Variants in ANKRD11 observed in about 807,000 individuals in gnomAD.
The protein encoded by ANKRD11 is ankyrin repeat domain-containing protein 11.
ANKRD11 carries 17 observed loss-of-function variants against 195.7 expected under a neutral mutation model. The ratio of observed to expected loss-of-function variants is 0.09; its 90% CI spans 0.06 to 0.13. ANKRD11 has a LOEUF of 0.13. Ranked by LOEUF, ANKRD11 falls within the 10% of genes least tolerant of loss-of-function variation. ANKRD11 has a pLI of 1.00. For missense variants in ANKRD11, 3,735 were observed against 3,566.1 expected (o/e 1.05, Z -1.21); for synonymous variants, 1,953 against 1,528.1 (o/e 1.28, Z -6.49).
rs1000677695 is a variant in ANKRD11, at chr16:89,464,674, G to A, written c.-145+25571C>T. ...AAAAGAATAAATCTGTAACAGCACTGGAAAACAGAAGAATGACATGTCAAT... is the reference window on the plus strand; with the variant it reads ...AAAAGAATAAATCTGTAACAGCACTAGAAAACAGAAGAATGACATGTCAAT... On this transcript the variant is annotated intron_variant, in intron 1 of 12. Coordinates refer to ENST00000301030, the MANE Select transcript of ANKRD11 (RefSeq NM_013275.6). Among the ~76,000 whole-genome samples the A allele has an allele frequency of 3.3e-5, 5 of 151,692 alleles. No homozygotes were observed. In the South Asian group the frequency reaches 1.0e-3, roughly 32 times the overall value.
rs547017147 is a variant in ANKRD11 at position 89,345,772 on chromosome 16, G to C, written c.-59-28694C>G. Among the ~76,000 whole-genome samples, 154 of 152,258 alleles carry C rather than the reference G, an allele frequency of 1.0e-3. No individual in the cohort carries two copies. In the Middle Eastern group the frequency reaches 0.01, roughly 10 times the overall value. Reference sequence around the variant, plus strand: ...ACCAGGTGCATGCTGTGCACACCAGGTACATGCTGTGCACACCAGGCTGGG... The same window carrying C: ...ACCAGGTGCATGCTGTGCACACCAGCTACATGCTGTGCACACCAGGCTGGG... On this transcript the variant is annotated intron_variant, in intron 2 of 12. Coordinates refer to ENST00000301030, the MANE Select transcript of ANKRD11 (RefSeq NM_013275.6).
At chr16:89,273,187 C>CTAAATGCT (rs1430065710) in intron 11 of ANKRD11, 3 of 151,980 alleles carry the variant, frequency 2.0e-5, no homozygotes, top group Non-Finnish European at 4.4e-5. Flanking sequence ...AACTCAAGGG[C>CTAAATGCT]TAAATGCTTG....
chr16:89,324,088 G>A (rs536338206), intron 2 of ANKRD11: 2 of 365,630 alleles, frequency 5.5e-6, no homozygotes, highest in Non-Finnish European at 4.6e-6. Context: ...TTGACCTCAT[G>A]ATCTGCCGGC....
At chr16:89,319,413 G>T (rs764114669) in intron 2 of ANKRD11, among the ~76,000 whole-genome samples, 2 of 152,200 alleles carry the variant, frequency 1.3e-5, no homozygotes, top group Non-Finnish European at 1.5e-5. Context: ...TACTTTTCAC[G>T]GCCTGCATCA....
At chr16:89,411,547 A>G (rs539599613) in intron 2 of ANKRD11, among the ~76,000 whole-genome samples, 26 of 152,162 alleles carry the variant, frequency 1.7e-4, no homozygotes, top group African/African-American at 6.3e-4. Flanking sequence ...CTGAGTAACC[A>G]TGACGACAGG....
At position 89,404,946 on chromosome 16, in the gene ANKRD11, C is replaced by G. The variant is rs1459498979; in HGVS notation, c.-60+13338G>C. Among the ~76,000 whole-genome samples the G allele has an allele frequency of 2.6e-5, 4 of 152,174 alleles. No homozygotes were observed. The East Asian group carries it at 7.7e-4, about 29-fold the overall frequency. On this transcript the variant is annotated intron_variant, in intron 2 of 12. Transcript: ENST00000301030. Reference sequence around the variant, plus strand: ...GTGGACAAACATCGTGTCCACAGACCACCATAAATGTAGTTTGTTGTTTTA... The same window carrying G: ...GTGGACAAACATCGTGTCCACAGACGACCATAAATGTAGTTTGTTGTTTTA...
intron 9 of ANKRD11, among the ~76,000 whole-genome samples, chr16:89,277,151 C>G (rs937166348): frequency 2.0e-5 from 3 of 152,200 alleles, no homozygotes; most frequent in African/African-American, 7.2e-5. Context: ...CCTCGACGAG[C>G]CCAGCCCCCC....
chr16:89,358,214 C>A (rs908385949), intron 2 of ANKRD11, among the ~76,000 whole-genome samples: 1 of 152,242 alleles, frequency 6.6e-6, no homozygotes, highest in East Asian at 1.9e-4. Flanking sequence ...AGCCCCCACA[C>A]CTCACTCTGG....
At chr16:89,270,264 C>T (rs963726895) in intron 12 of ANKRD11, 5 of 210,218 alleles carry the variant, frequency 2.4e-5, no homozygotes, top group African/African-American at 1.2e-4. Context: ...CCTGATACTG[C>T]AGGTAGCCGG....
chr16:89,295,875 GATGT>G (rs74265461), intron 4 of ANKRD11, among the ~76,000 whole-genome samples: 9 of 4,222 alleles, frequency 2.1e-3, no homozygotes, highest in Non-Finnish European at 2.7e-3. Flanking sequence ...GGTGGGATGT[GATGT>G]GGGGGGCCTG....
intron 4 of ANKRD11, among the ~76,000 whole-genome samples, chr16:89,304,331 G>A (rs766365974): frequency 1.4e-5 from 2 of 145,762 alleles, no homozygotes; most frequent in Non-Finnish European, 3.0e-5. Context: ...GGCACACACA[G>A]GCATGCACAC....
At chr16:89,449,257 T>C (rs2043952220) in intron 1 of ANKRD11, among the ~76,000 whole-genome samples, 1 of 151,890 alleles carries the variant, frequency 6.6e-6, no homozygotes, top group Non-Finnish European at 1.5e-5. Flanking sequence ...TCCCAACTAC[T>C]TGGAGGCTGA....
chr16:89,364,804 C>T (rs1427421654), intron 2 of ANKRD11, among the ~76,000 whole-genome samples: 2 of 152,210 alleles, frequency 1.3e-5, no homozygotes, highest in African/African-American at 2.4e-5. Context: ...AATCTCATCT[C>T]GGCTCCAAGT....
intron 2 of ANKRD11, among the ~76,000 whole-genome samples, chr16:89,347,674 T>C (rs2039009293): frequency 6.6e-6 from 1 of 152,034 alleles, no homozygotes; most frequent in Admixed American, 6.6e-5. Flanking sequence ...ATTCTATTTC[T>C]CCTTATCGGT....
At chr16:89,453,027 C>T (rs917338789) in intron 1 of ANKRD11, among the ~76,000 whole-genome samples, 2 of 152,192 alleles carry the variant, frequency 1.3e-5, no homozygotes, top group Non-Finnish European at 2.9e-5. Context: ...CTCAAACAAT[C>T]CTCCTGACTC....
At chr16:89,336,417 T>C (rs549156060) in intron 2 of ANKRD11, among the ~76,000 whole-genome samples, 1 of 152,260 alleles carries the variant, frequency 6.6e-6, no homozygotes, top group South Asian at 2.1e-4. Flanking sequence ...AAGGAGTCTG[T>C]TTGCTGTGGG....
chr16:89,368,110 T>C (rs1159252272), intron 2 of ANKRD11, among the ~76,000 whole-genome samples: 2 of 152,238 alleles, frequency 1.3e-5, no homozygotes, highest in East Asian at 1.9e-4. Context: ...CAGTGCTCAC[T>C]ACGCTACTCA....
chr16:89,284,531 C>A lies in ANKRD11; in HGVS notation c.2011G>T (p.Ala671Ser). Residue 671 changes from alanine to serine, a missense_variant, in exon 9 of 13, where the codon GCT becomes TCT. Transcript: ENST00000301030. ...GAAAGATCATTCTCTAACAGTATAGCCTTATCTGACTTCTGCTTGGAGTCC... is the reference window on the plus strand; with the variant it reads ...GAAAGATCATTCTCTAACAGTATAGACTTATCTGACTTCTGCTTGGAGTCC... ...YEDSKQKSDK[A>S]ILLENDLSTE... The A allele has an allele frequency of 6.2e-7, 1 of 1,614,074 alleles. No homozygotes were observed. The highest frequency in any genetic ancestry group is 8.5e-7 in the Non-Finnish European group (1 of 1,180,034).
At chr16:89,305,424 G>A (rs916970058) in intron 3 of ANKRD11, 80 bp from the exon 4 acceptor site, 11 of 1,589,036 alleles carry the variant, frequency 6.9e-6, no homozygotes, top group Non-Finnish European at 9.5e-6. Context: ...CATATGCCAG[G>A]AGAAGCGCAT....
Sources: gnomAD v4.1 joint callset for allele counts (sites outside exome capture counted in the v4.1 genomes callset) on GRCh38, gnomAD v4.1.1 for gene constraint, MANE v1.5 for transcripts, NCBI Gene and HGNC (gene_info 2026-07-23, HGNC 2026-07-21) for gene names.